The following MCF2L variants were observed in gnomAD, a reference collection of about 807,000 sequenced individuals.
The protein encoded by MCF2L is guanine nucleotide exchange factor DBS.
MCF2L carries 97 observed loss-of-function variants against 153.4 expected under a neutral mutation model. The ratio of observed to expected loss-of-function variants is 0.63; its 90% confidence interval spans 0.54 to 0.75. The LOEUF is 0.75. Among genes scored for constraint, MCF2L ranks in the 30% least tolerant of loss-of-function variants. The probability of loss-of-function intolerance (pLI) is 0.00; values close to 1 mark genes in which losing one functional copy is unlikely to be tolerated. For missense variants in MCF2L, 1,347 were observed against 1,495.2 expected, an observed-to-expected ratio of 0.90 and a Z score of 1.64; for synonymous variants, 659 against 632.2, an observed-to-expected ratio of 1.04 and a Z score of -0.64.
intron 2 of MCF2L, chr13:112,958,161 T>C (rs983890960): frequency 6.6e-6 from 1 of 152,222 alleles, no homozygotes; most frequent in African/African-American, 2.4e-5. Context: ...TCCTGGGCTC[T>C]CGAGACCAGG....
Position 112,930,164 on chromosome 13 carries a change from C to CT in MCF2L, c.169+27795dup, listed in dbSNP as rs565573212. Among the ~76,000 whole-genome samples the CT allele has an allele frequency of 3.1e-3, 469 of 152,282 alleles. 1 individual carries two copies. The highest frequency in any genetic ancestry group is 0.011 in the African/African-American group (448 of 41,556). On this transcript the variant is annotated intron_variant, in intron 2 of 29. Transcript: ENST00000375608. ...CGTTACTTCCAAAGCTAAATGCACTCTTACCATACAGTCCAGTGATCTTGC... is the reference window on the plus strand; with the variant it reads ...CGTTACTTCCAAAGCTAAATGCACTCTTTACCATACAGTCCAGTGATCTTGC...
chr13:112,998,363 G>A (rs751789559), intron 1 of MCF2L, among the ~76,000 whole-genome samples: 12 of 152,182 alleles, frequency 7.9e-5, no homozygotes, highest in Non-Finnish European at 1.3e-4. Flanking sequence ...CAGGCCAAGC[G>A]TGAGGAGGCC....
intron 1 of MCF2L, among the ~76,000 whole-genome samples, chr13:112,987,262 G>A (rs1024795683): frequency 8.6e-5 from 9 of 104,864 alleles, no homozygotes; most frequent in Admixed American, 1.9e-4. Flanking sequence ...GCGCTTTCCC[G>A]AAACGCTGTT....
chr13:113,023,748 G>A (rs2085052926), intron 2 of MCF2L, among the ~76,000 whole-genome samples: 9 of 152,196 alleles, frequency 5.9e-5, no homozygotes, highest in Admixed American at 3.9e-4. Context: ...GGCACTGACT[G>A]TGTCCTCTGC....
Position 113,096,470 on chromosome 13 carries a change from G to T in MCF2L, c.3175G>T (p.Asp1059Tyr), listed in dbSNP as rs1346341028. 3 of 1,588,538 alleles carry T rather than the reference G, an allele frequency of 1.9e-6. No individual in the cohort carries two copies. The highest frequency in any genetic ancestry group is 1.7e-6 in the Non-Finnish European group (2 of 1,168,850). The part of the protein sequence containing the change: ...GDVVELVQEG[D>Y]EGLWYVRDPT... ...CGTGGTGGAGCTGGTGCAGGAGGGC[G>T]ACGAGGGCCTCTGGTAAGACCCCGC... The change falls in exon 28 of 30, where the codon GAC becomes TAC. Residue 1059 changes from aspartate (D) to tyrosine (Y), a missense_variant. Coordinates refer to ENST00000535094, the MANE Select transcript of MCF2L (RefSeq NM_001112732.3).
chr13:112,987,004 G>A (rs922136853), intron 1 of MCF2L, among the ~76,000 whole-genome samples: 1 of 152,116 alleles, frequency 6.6e-6, no homozygotes, highest in African/African-American at 2.4e-5. Context: ...CTCGGAGCCA[G>A]TGTCGGAGCT....
At chr13:113,023,500 G>A (rs1000700188) in intron 2 of MCF2L, among the ~76,000 whole-genome samples, 9 of 152,188 alleles carry the variant, frequency 5.9e-5, no homozygotes, top group African/African-American at 7.2e-5. Flanking sequence ...GGCGCAAGGC[G>A]GCGGGGGACT....
intron 4 of MCF2L, among the ~76,000 whole-genome samples, chr13:113,048,674 C>T (rs2086994869): frequency 1.3e-5 from 2 of 152,120 alleles, no homozygotes; most frequent in Non-Finnish European, 2.9e-5. Flanking sequence ...AATCTCCTGA[C>T]CTCGTGATCC....
chr13:112,914,840 AT>A (rs2081274140), intron 2 of MCF2L, among the ~76,000 whole-genome samples: 1 of 148,588 alleles, frequency 6.7e-6, no homozygotes, highest in Non-Finnish European at 1.5e-5. Context: ...AGTTGAAAGT[AT>A]TTTTTCAAAT....
intron 17 of MCF2L, among the ~76,000 whole-genome samples, chr13:113,083,546 C>T (rs554982780): frequency 1.3e-5 from 2 of 152,226 alleles, no homozygotes; most frequent in East Asian, 1.9e-4. Context: ...CCCCTCCAGC[C>T]GGACTTCCTC....
rs1381338512 is a variant in MCF2L, at chr13:113,031,849, A to G, written c.278+7091A>G. 1.4e-5 allele frequency among the ~76,000 whole-genome samples: 2 copies of G among 146,450 alleles called. No individual in the cohort carries two copies. Among genetic ancestry groups the G allele is most frequent in the African/African-American group, 5.1e-5 (2 of 39,232 alleles). On this transcript the variant is annotated intron_variant, in intron 3 of 29. Coordinates refer to ENST00000535094, the MANE Select transcript of MCF2L (RefSeq NM_001112732.3). This position sits in a 1 kb window ranked among gnomAD's most constrained non-coding sequence, Gnocchi z 5.5. ...CACATACAGATGCACACACGCACCT[A>G]CACAGGCTTGCACATGCCACACACA...
At chr13:113,089,169 G>A (rs74364791) in intron 25 of MCF2L, among the ~76,000 whole-genome samples, 5 of 65,936 alleles carry the variant, frequency 7.6e-5, no homozygotes, top group East Asian at 4.6e-4. Context: ...ACACTCCCCC[G>A]CCCCCCCCCC....
At chr13:112,926,870 T>A (rs1342079769) in intron 2 of MCF2L, among the ~76,000 whole-genome samples, 2 of 152,178 alleles carry the variant, frequency 1.3e-5, no homozygotes, top group African/African-American at 4.8e-5. Flanking sequence ...TATAATGAAT[T>A]TCTGAAATTG....
intron 17 of MCF2L, among the ~76,000 whole-genome samples, chr13:113,083,602 C>T (rs563826027): frequency 7.2e-5 from 11 of 152,328 alleles, no homozygotes; most frequent in East Asian, 1.9e-4. Flanking sequence ...CTGGGGGCGG[C>T]GCTGCCTAGG....
intron 3 of MCF2L, chr13:113,044,633 G>T: frequency 6.2e-7 from 1 of 1,602,802 alleles, no homozygotes; most frequent in Non-Finnish European, 8.5e-7. Context: ...AGGGCTCTCC[G>T]CACCGACTCT....
intron 26 of MCF2L, among the ~76,000 whole-genome samples, chr13:113,091,885 C>G (rs371406798): frequency 7.2e-5 from 11 of 152,316 alleles, no homozygotes; most frequent in African/African-American, 2.6e-4. Context: ...GGGGTGTAAG[C>G]AGAACCAGCC....
intron 3 of MCF2L, among the ~76,000 whole-genome samples, chr13:113,032,663 G>A (rs1205531784): frequency 6.6e-6 from 1 of 152,134 alleles, no homozygotes; most frequent in Non-Finnish European, 1.5e-5. Flanking sequence ...CAACCTCCTG[G>A]GCCCAAGGTG....
intron 1 of MCF2L, among the ~76,000 whole-genome samples, chr13:112,976,134 T>A (rs1196564991): frequency 8.1e-6 from 1 of 123,304 alleles, no homozygotes; most frequent in Non-Finnish European, 1.7e-5. Flanking sequence ...TCTCAGCGAA[T>A]GTTCCGGGTT....
rs1345305837 is a variant in MCF2L, at chr13:112,941,765, T to A, written c.169+39394T>A. Reference sequence around the variant, plus strand: ...AGATGTGATTATATATGAATATCAATCATTAGTTTGTAGCAATTACTCTTT... The same window carrying A: ...AGATGTGATTATATATGAATATCAAACATTAGTTTGTAGCAATTACTCTTT... On this transcript the variant is annotated intron_variant, in intron 2 of 29. Coordinates refer to the MCF2L transcript ENST00000375608. This position sits in a 1 kb window ranked among gnomAD's most constrained non-coding sequence, Gnocchi z 4.9. Among the ~76,000 whole-genome samples, 1 of 152,194 alleles carries A rather than the reference T, an allele frequency of 6.6e-6. No homozygotes were observed. Among genetic ancestry groups the A allele is most frequent in the African/African-American group, 2.4e-5 (1 of 41,434 alleles).
Sources: allele counts gnomAD v4.1 joint callset (sites outside exome capture counted in the v4.1 genomes callset), GRCh38; gene constraint gnomAD v4.1.1; non-coding constraint Gnocchi (gnomAD v3.1); transcripts MANE v1.5; gene names NCBI Gene and HGNC (gene_info 2026-07-23, HGNC 2026-07-21).